Variants in FMN1 observed in about 807,000 individuals in gnomAD.
FMN1 encodes the protein formin 1.
FMN1 carries 110 observed loss-of-function variants against 132.4 expected under a neutral mutation model. The observed-to-expected ratio is 0.83, with a 90% CI of 0.71 to 0.97. The LOEUF (loss-of-function observed/expected upper bound fraction) is 0.97, where lower values mean the gene tolerates loss of function less well. Ranked by LOEUF, FMN1 falls within the 50% of genes least tolerant of loss-of-function variation. FMN1 has a pLI of 0.00. For missense variants in FMN1, 1,792 were observed against 1,705.3 expected (o/e 1.05, Z -0.90); for synonymous variants, 722 against 651.7 (o/e 1.11, Z -1.64).
At chr15:32,813,151 T>C (rs1221165180) in intron 17 of FMN1, among the ~76,000 whole-genome samples, 2 of 152,206 alleles carry the variant, frequency 1.3e-5, no homozygotes, top group African/African-American at 2.4e-5. Context: ...GTGTAGGTTA[T>C]AGCAATTACG....
intron 8 of FMN1, among the ~76,000 whole-genome samples, chr15:32,967,168 A>G (rs7178744): frequency 0.014 from 2,064 of 152,356 alleles, 40 homozygotes; most frequent in African/African-American, 0.047. Context: ...TTTCTTCTCA[A>G]AACGGCCAAC....
At chr15:33,048,218 A>G (rs562732158) in intron 6 of FMN1, among the ~76,000 whole-genome samples, 3 of 152,316 alleles carry the variant, frequency 2.0e-5, no homozygotes, top group African/African-American at 7.2e-5. Flanking sequence ...CAGCTTTTGA[A>G]AATTGTTCAG....
chr15:32,776,740 C>A, intron 20 of FMN1, 95 bp downstream of exon 20: 1 of 603,964 alleles, frequency 1.7e-6, no homozygotes, highest in South Asian at 2.3e-5. Context: ...AACTGAGAAT[C>A]TGGATACTAT....
intron 9 of FMN1, among the ~76,000 whole-genome samples, chr15:32,939,049 A>G (rs951587343): frequency 1.3e-5 from 2 of 152,194 alleles, no homozygotes; most frequent in East Asian, 3.8e-4. Context: ...AAGCACTGGT[A>G]TTGTGTTCCT....
chr15:32,952,734 T>C (rs924429504), intron 9 of FMN1, among the ~76,000 whole-genome samples: 4 of 152,198 alleles, frequency 2.6e-5, no homozygotes, highest in African/African-American at 9.6e-5. Context: ...ATTTTGGACA[T>C]GCAAAATGCC....
intron 6 of FMN1, among the ~76,000 whole-genome samples, chr15:33,047,332 C>T (rs1156743373): frequency 6.6e-6 from 1 of 152,166 alleles, no homozygotes; most frequent in African/African-American, 2.4e-5. Context: ...TTAGTTCAGG[C>T]TTCTTGTTTT....
intron 2 of FMN1, among the ~76,000 whole-genome samples, chr15:33,180,554 T>C (rs1965660745): frequency 6.6e-6 from 1 of 152,144 alleles, no homozygotes. Flanking sequence ...TTCAGACATT[T>C]CAGTGCTGAA....
chr15:32,795,211 T>G (rs111553052), intron 19 of FMN1, among the ~76,000 whole-genome samples: 1 of 152,024 alleles, frequency 6.6e-6, no homozygotes, highest in African/African-American at 2.4e-5. Flanking sequence ...AGGCCAACAT[T>G]AGTATTTTAT....
intron 17 of FMN1, 57 bp from the exon 18 acceptor site, chr15:32,804,389 T>C: frequency 1.2e-6 from 1 of 827,530 alleles, no homozygotes; most frequent in East Asian, 5.0e-5. Flanking sequence ...CTTTGCGTAA[T>C]CTTACAGCTT....
At chr15:33,147,789 A>T (rs964539184) in intron 4 of FMN1, among the ~76,000 whole-genome samples, 8 of 152,236 alleles carry the variant, frequency 5.3e-5, no homozygotes, top group African/African-American at 1.7e-4. Flanking sequence ...TTTATTTCGT[A>T]TTTCACATGC....
intron 6 of FMN1, among the ~76,000 whole-genome samples, chr15:33,059,326 G>T (rs973682598): frequency 6.6e-6 from 1 of 152,048 alleles, no homozygotes; most frequent in African/African-American, 2.4e-5. Context: ...TTAATGTCTT[G>T]GCTATTGTGA....
Position 33,078,725 on chromosome 15 carries a change from G to C in FMN1, c.2043+10074C>G, listed in dbSNP as rs116357834. 2.2e-3 allele frequency among the ~76,000 whole-genome samples: 331 copies of C among 151,658 alleles called. 2 individuals carry two copies. The highest frequency in any genetic ancestry group is 7.7e-3 in the African/African-American group (319 of 41,352). On this transcript the variant is annotated intron_variant, in intron 5 of 20. Transcript: ENST00000616417. ...TGTTCACAAACAGTCAGTATGCAAA[G>C]GCTACTGCATTTCAAATTCTAAATA...
At chr15:33,011,130 T>C (rs1261916031) in intron 6 of FMN1, among the ~76,000 whole-genome samples, 1 of 152,138 alleles carries the variant, frequency 6.6e-6, no homozygotes, top group Admixed American at 6.6e-5. Context: ...TAAGACAACT[T>C]ACCTTACCTC....
At chr15:33,123,510 C>A (rs952682854) in intron 4 of FMN1, among the ~76,000 whole-genome samples, 2 of 152,068 alleles carry the variant, frequency 1.3e-5, no homozygotes, top group Non-Finnish European at 2.9e-5. Context: ...ATAAATATGT[C>A]CTCAAAAGAT....
intron 4 of FMN1, among the ~76,000 whole-genome samples, chr15:33,136,381 T>C (rs1333487700): frequency 6.6e-6 from 1 of 152,204 alleles, no homozygotes; most frequent in Non-Finnish European, 1.5e-5. Context: ...ATATATACAG[T>C]CTACCCACGT....
intron 6 of FMN1, among the ~76,000 whole-genome samples, chr15:33,050,253 T>C (rs1028870080): frequency 6.6e-6 from 1 of 152,236 alleles, no homozygotes; most frequent in Non-Finnish European, 1.5e-5. Flanking sequence ...TCTGTATACA[T>C]ATTGTTAAAC....
chr15:32,859,007 G>GT (rs1408064994), intron 16 of FMN1, among the ~76,000 whole-genome samples: 1 of 152,202 alleles, frequency 6.6e-6, no homozygotes, highest in African/African-American at 2.4e-5. Context: ...TTTTGCAGGT[G>GT]TAACAAATAG....
At chr15:33,177,111 T>C (rs115023914) in intron 3 of FMN1, among the ~76,000 whole-genome samples, 4,270 of 152,256 alleles carry the variant, frequency 0.028, 201 homozygotes, top group African/African-American at 0.098. Flanking sequence ...TTATCTCCAT[T>C]TACAAGGAAG....
chr15:33,076,281 GT>G (rs1169459247), intron 5 of FMN1, among the ~76,000 whole-genome samples: 1 of 152,208 alleles, frequency 6.6e-6, no homozygotes. Flanking sequence ...TTGTGACTAA[GT>G]TGCTCCTGAT....
Sources: gnomAD v4.1 joint callset for allele counts (sites outside exome capture counted in the v4.1 genomes callset) on GRCh38, gnomAD v4.1.1 for gene constraint, MANE v1.5 for transcripts, NCBI Gene and HGNC (gene_info 2026-07-23, HGNC 2026-07-21) for gene names.